SLC25A44: variants seen among roughly 807,000 people sequenced by gnomAD.
SLC25A44 encodes the protein solute carrier family 25, member 44.
In SLC25A44, 17 loss-of-function variants were observed where a neutral mutation model predicts 29.9. The ratio of observed to expected loss-of-function variants is 0.57; its 90% confidence interval spans 0.39 to 0.85. The LOEUF is 0.85. SLC25A44 is among the 40% of genes least tolerant of loss of function. The pLI, the probability that SLC25A44 is intolerant of heterozygous loss-of-function variation, is 0.00. For synonymous variants in SLC25A44, 140 were observed against 151.8 expected, an observed-to-expected ratio of 0.92 and a Z score of 0.57; for missense variants, 302 against 398.4, an observed-to-expected ratio of 0.76 and a Z score of 2.06.
At chr1:156,209,171 A>T (rs982008466) in intron 3 of SLC25A44, among the ~76,000 whole-genome samples, 2 of 152,184 alleles carry the variant, frequency 1.3e-5, no homozygotes, top group African/African-American at 4.8e-5. Context: ...TGGTTTGCAA[A>T]TAATAAAGTG....
chr1:156,203,681 CTTCT>C (rs1179130544), intron 2 of SLC25A44, among the ~76,000 whole-genome samples: 2 of 142,372 alleles, frequency 1.4e-5, no homozygotes, highest in African/African-American at 5.1e-5. Context: ...CCCTTCCTTC[CTTCT>C]TTCATTCTCT....
intron 1 of SLC25A44, chr1:156,196,131 A>T (rs529546395): frequency 6.6e-6 from 1 of 152,310 alleles, no homozygotes; most frequent in South Asian, 2.1e-4. Context: ...AGTTGGGCTG[A>T]CTAAGTTGGG....
chr1:156,208,336 C>G lies in SLC25A44; in HGVS notation c.753+323C>G, dbSNP rs563300489. On this transcript the variant is annotated intron_variant, in intron 3 of 3. Coordinates refer to ENST00000359511, the MANE Select transcript of SLC25A44 (RefSeq NM_014655.4). ...ATAAAAAATTAGCTGGGTGTGTTGG[C>G]ATGCGCCTATAGTCCCAGCTACTCG... is the stretch of plus-strand genomic sequence containing the variant. Among the ~76,000 whole-genome samples the G allele has an allele frequency of 2.6e-5, 4 of 152,290 alleles. No individual in the cohort carries two copies. The South Asian group carries it at 6.2e-4, about 24-fold the overall frequency.
In SLC25A44 at chr1:156,212,727, C is replaced by G. The variant is rs533850119; in HGVS notation, c.*2296C>G. 1.8e-4 allele frequency: 57 copies of G among 319,964 alleles called. No homozygotes were observed. In the Admixed American group the frequency reaches 2.5e-3, roughly 14 times the overall value. The allele number at this position is 319,964 out of a possible 1,614,324, so 19.8% of individuals were successfully genotyped here. A position where few individuals can be genotyped will look rare whatever the true frequency, so the allele number is the denominator to read the frequency against. On this transcript the variant is annotated 3_prime_UTR_variant, in exon 4 of 4. Coordinates refer to ENST00000359511, the MANE Select transcript of SLC25A44 (RefSeq NM_014655.4). The stretch of plus-strand genomic sequence containing the variant: ...TGAAATGGACTCTTGTGAAAATTAA[C>G]AGTGAATATTCACTGTTGCACTGTA...
intron 2 of SLC25A44, among the ~76,000 whole-genome samples, chr1:156,203,699 CTTTTTTT>C (rs56890643): frequency 1.9e-5 from 2 of 106,782 alleles, no homozygotes; most frequent in African/African-American, 8.2e-5. Flanking sequence ...ATTCTCTTTC[CTTTTTTT>C]TTTTTTTTTT....
At chr1:156,203,031 C>T (rs572783486) in intron 2 of SLC25A44, among the ~76,000 whole-genome samples, 14 of 152,300 alleles carry the variant, frequency 9.2e-5, no homozygotes, top group Admixed American at 3.3e-4. Context: ...GGTTCCTTAC[C>T]GGCATCTAGA....
Position 156,212,292 on chromosome 1 carries a change from A to G in SLC25A44, c.*1861A>G, listed in dbSNP as rs900305083. ...GACTCGACTTTAGTCCTTCCCCGCCATGGCACAGTGGGGAAGGTGTCAATG... is the reference window on the plus strand; with the variant it reads ...GACTCGACTTTAGTCCTTCCCCGCCGTGGCACAGTGGGGAAGGTGTCAATG... On this transcript the variant is annotated 3_prime_UTR_variant, in exon 4 of 4. Transcript: ENST00000359511. 2 of 152,112 alleles carry G rather than the reference A, an allele frequency of 1.3e-5. No individual in the cohort carries two copies. The highest frequency in any genetic ancestry group is 4.8e-5 in the African/African-American group (2 of 41,348). The allele number at this position is 152,112 out of a possible 1,614,324, so 9.4% of individuals were successfully genotyped here.
At chr1:156,208,694 C>T (rs981717181) in intron 3 of SLC25A44, among the ~76,000 whole-genome samples, 5 of 152,124 alleles carry the variant, frequency 3.3e-5, no homozygotes, top group South Asian at 2.1e-4. Flanking sequence ...TAAGAAATAT[C>T]GATTTCAGTT....
chr1:156,207,964 C>T lies in SLC25A44; in HGVS notation c.704C>T (p.Thr235Ile). 6.2e-7 allele frequency: 1 copy of T among 1,614,188 alleles called. No homozygotes were observed. Among genetic ancestry groups the T allele is most frequent in the Non-Finnish European group, 8.5e-7 (1 of 1,180,018 alleles). Residue 235 changes from threonine to isoleucine, a missense_variant, in exon 3 of 4, where the codon ACT becomes ATT. By Grantham distance (89) the Thr-to-Ile change is moderately conservative (BLOSUM62 -1). Transcript: ENST00000359511. ...GTCTCGGGGCCCCTGGCTGCAGCCA[C>T]TGCCTCCATCCTCACCAATCCCATG... ...QAVSGPLAAATASILTNPMDV... is the reference protein window; with the variant it reads ...QAVSGPLAAAIASILTNPMDV...
intron 2 of SLC25A44, among the ~76,000 whole-genome samples, chr1:156,207,475 G>A (rs945589980): frequency 1.3e-4 from 20 of 151,898 alleles, no homozygotes; most frequent in East Asian, 9.7e-4. Context: ...CGCCGCGCCC[G>A]GCACTACAAA....
chr1:156,204,492 TTTTG>T (rs762770975), intron 2 of SLC25A44, among the ~76,000 whole-genome samples: 12 of 152,176 alleles, frequency 7.9e-5, no homozygotes, highest in Non-Finnish European at 1.3e-4. Context: ...CAGTTGGTTT[TTTTG>T]TTTGTTTCAA....
chr1:156,203,996 G>A lies in SLC25A44; in HGVS notation c.625+3524G>A, dbSNP rs531759063. 4.0e-5 allele frequency among the ~76,000 whole-genome samples: 6 copies of A among 150,962 alleles called. No individual in the cohort carries two copies. The South Asian group carries it at 6.3e-4, about 16-fold the overall frequency. On this transcript the variant is annotated intron_variant, in intron 2 of 3. Coordinates refer to ENST00000359511, the MANE Select transcript of SLC25A44 (RefSeq NM_014655.4). The stretch of plus-strand genomic sequence containing the variant: ...AGGGATTACAGGCATGAGCCACCGC[G>A]CCTGGCCCTTCTTCTTTTTTTTTTT...
At chr1:156,204,718 C>G (rs1159033308) in intron 2 of SLC25A44, among the ~76,000 whole-genome samples, 5 of 152,190 alleles carry the variant, frequency 3.3e-5, no homozygotes, top group Middle Eastern at 6.8e-3. Context: ...GAACTCCTGA[C>G]CTCAGGTGAT....
intron 2 of SLC25A44, among the ~76,000 whole-genome samples, chr1:156,204,296 C>A (rs1176923817): frequency 2.0e-5 from 3 of 151,954 alleles, no homozygotes; most frequent in Non-Finnish European, 4.4e-5. Context: ...CATGAGCCAC[C>A]GTGCCCTGTC....
chr1:156,199,119 T>A (rs1042176512), intron 1 of SLC25A44: 1 of 152,230 alleles, frequency 6.6e-6, no homozygotes, highest in Non-Finnish European at 1.5e-5. Flanking sequence ...ACTTGCCCTC[T>A]CCTCTATACT....
At chr1:156,207,721 A>T in intron 2 of SLC25A44, 165 bp from the exon 3 acceptor site, 1 of 651,558 alleles carries the variant, frequency 1.5e-6, no homozygotes, top group Non-Finnish European at 2.6e-6. Context: ...CCTGAGACTT[A>T]ATAGTTTTTT....
At chr1:156,205,313 A>AT (rs1455550026) in intron 2 of SLC25A44, among the ~76,000 whole-genome samples, 1 of 151,944 alleles carries the variant, frequency 6.6e-6, no homozygotes, top group African/African-American at 2.4e-5. Context: ...GAGTGCTGGG[A>AT]TTACAGGCGT....
rs768011448 is a variant in SLC25A44, at chr1:156,199,972, G to A, written c.125G>A (p.Arg42His). 7 of 1,614,022 alleles carry A rather than the reference G, an allele frequency of 4.3e-6. No homozygotes were observed. The highest frequency in any genetic ancestry group is 1.1e-5 in the South Asian group (1 of 91,066). The change falls in exon 2 of 4, where the codon CGC (arginine) becomes CAC (histidine). Residue 42 changes from arginine (R) to histidine (H), a missense_variant. Transcript: ENST00000359511. ...RVSVYPFTLI[R>H]TRLQVQKGKS... Reference sequence around the variant, plus strand: ...AGTGTCTACCCATTCACCCTCATCCGCACCCGGTTGCAAGTTCAGAAGGGG... The same window carrying A: ...AGTGTCTACCCATTCACCCTCATCCACACCCGGTTGCAAGTTCAGAAGGGG...
At chr1:156,201,676 CTTCT>C (rs935412341) in intron 2 of SLC25A44, among the ~76,000 whole-genome samples, 5 of 148,306 alleles carry the variant, frequency 3.4e-5, no homozygotes, top group South Asian at 2.1e-4. Context: ...TTTCTTCTTC[CTTCT>C]TTTTCTTCTT....
Sources: allele counts gnomAD v4.1 joint callset (sites outside exome capture counted in the v4.1 genomes callset), GRCh38; gene constraint gnomAD v4.1.1; transcripts MANE v1.5; gene names NCBI Gene and HGNC (gene_info 2026-07-23, HGNC 2026-07-21).